Variants in PMS1 observed in about 807,000 individuals in gnomAD.
The protein encoded by PMS1 is PMS1 protein homolog 1.
PMS1 carries 79 observed loss-of-function variants against 93.1 expected under a neutral mutation model. The ratio of observed to expected loss-of-function variants is 0.85; its 90% CI spans 0.71 to 1.02. The LOEUF (loss-of-function observed/expected upper bound fraction) is 1.02, where lower values mean the gene tolerates loss of function less well. Among genes scored for constraint, PMS1 ranks in the 50% least tolerant of loss-of-function variants. The probability of loss-of-function intolerance (pLI) is 0.00; values close to 1 mark genes in which losing one functional copy is unlikely to be tolerated. For synonymous variants in PMS1, 335 were observed against 363.4 expected (o/e 0.92, Z 0.89); for missense variants, 1,064 against 1,085.3 (o/e 0.98, Z 0.28).
Position 189,855,023 on chromosome 2 carries a change from A to G in PMS1, c.1751A>G (p.Asp584Gly). Residue 584 changes from aspartate to glycine, a missense_variant, in exon 9 of 13, where the codon GAT becomes GGT. Asp to Gly is a moderately conservative substitution (Grantham distance 94). Transcript: ENST00000441310. ...PMSASALFVQ[D>G]HRPQFLIENP... ...TCAGCAAGTGCTCTTTTTGTTCAAG[A>G]TCATCGTCCTCAGTTTCTCATAGAA... The G allele has an allele frequency of 6.2e-7, 1 of 1,613,220 alleles. No homozygotes were observed. Among genetic ancestry groups the G allele is most frequent in the African/African-American group, 1.3e-5 (1 of 75,012 alleles).
chr2:189,850,926 G>C (rs1272686684), intron 6 of PMS1, among the ~76,000 whole-genome samples: 1 of 152,180 alleles, frequency 6.6e-6, no homozygotes, highest in South Asian at 2.1e-4. Flanking sequence ...CCATAGTTGA[G>C]AAGCAATTAG....
At chr2:189,825,986 C>G (rs556520146) in intron 5 of PMS1, among the ~76,000 whole-genome samples, 3 of 152,182 alleles carry the variant, frequency 2.0e-5, no homozygotes, top group African/African-American at 7.2e-5. Context: ...AAAAACTGGC[C>G]GTGGAGATTT....
chr2:189,810,408 G>T (rs1225732607), intron 4 of PMS1, among the ~76,000 whole-genome samples: 1 of 152,180 alleles, frequency 6.6e-6, no homozygotes, highest in Non-Finnish European at 1.5e-5. Context: ...GTGCCTGGTG[G>T]CCATTTGCAT....
chr2:189,801,818 G>A (rs1320241202), intron 3 of PMS1, among the ~76,000 whole-genome samples: 2 of 152,078 alleles, frequency 1.3e-5, no homozygotes, highest in Non-Finnish European at 2.9e-5. Context: ...ACATACAGAT[G>A]CAAGTTATTT....
chr2:189,791,883 T>TAAAAGAGCTTATTGA lies in PMS1; in HGVS notation c.78_92dup (p.Lys26_Glu30dup), dbSNP rs776626034. On this transcript the variant is annotated inframe_insertion, in exon 2 of 13. Transcript: ENST00000441310. ...ATCATCACTTCGGTGGTCAGTGTTG[T>TAAAAGAGCTTATTGA]AAAAGAGCTTATTGAAAACTCCTTG... 4.3e-6 allele frequency: 7 copies of TAAAAGAGCTTATTGA among 1,613,930 alleles called. No individual in the cohort carries two copies. In the South Asian group the frequency reaches 7.7e-5, roughly 18 times the overall value.
intron 3 of PMS1, among the ~76,000 whole-genome samples, chr2:189,805,123 C>T (rs1269485733): frequency 6.6e-6 from 1 of 151,616 alleles, no homozygotes; most frequent in African/African-American, 2.4e-5. Flanking sequence ...AAAAATTTAG[C>T]CTTAATGAGT....
At chr2:189,827,179 C>T (rs2106357834) in intron 5 of PMS1, among the ~76,000 whole-genome samples, 1 of 152,284 alleles carries the variant, frequency 6.6e-6, no homozygotes, top group South Asian at 2.1e-4. Flanking sequence ...TATTAACAGT[C>T]AAATAGAACA....
chr2:189,795,863 CAAAAA>C lies in PMS1; in HGVS notation c.228_232del (p.Ile78Ter). Reference sequence around the variant, plus strand: ...GTAATGGCAATGAAGTACTACACCTCAAAAATAAATAGTCATGAAGATCTTGAAAA... The same window carrying C: ...GTAATGGCAATGAAGTACTACACCTCTAAATAGTCATGAAGATCTTGAAAA... On this transcript the variant is annotated frameshift_variant, in exon 3 of 13. Coordinates refer to ENST00000441310, the MANE Select transcript of PMS1 (RefSeq NM_000534.5). LOFTEE classifies it high-confidence loss of function. 6.2e-7 allele frequency: 1 copy of C among 1,613,010 alleles called. No homozygotes were observed. The highest frequency in any genetic ancestry group is 8.5e-7 in the Non-Finnish European group (1 of 1,179,054).
At chr2:189,802,173 A>G (rs1005654823) in intron 3 of PMS1, among the ~76,000 whole-genome samples, 1 of 152,180 alleles carries the variant, frequency 6.6e-6, no homozygotes, top group Admixed American at 6.5e-5. Context: ...CTCATTATGC[A>G]GTTGACCCTT....
intron 9 of PMS1, 123 bp from the exon 10 acceptor site, chr2:189,863,620 T>C (rs994461412): frequency 6.9e-6 from 5 of 725,906 alleles, no homozygotes; most frequent in Non-Finnish European, 9.4e-6. Context: ...GTTAGTCTAA[T>C]ACATGTTCCT....
At chr2:189,843,218 A>G (rs2053963785) in intron 5 of PMS1, among the ~76,000 whole-genome samples, 1 of 151,808 alleles carries the variant, frequency 6.6e-6, no homozygotes, top group Admixed American at 6.6e-5. Flanking sequence ...GGGTTTCACC[A>G]TATTGGCTAG....
At chr2:189,820,724 G>A (rs1445686911) in intron 5 of PMS1, among the ~76,000 whole-genome samples, 1 of 152,214 alleles carries the variant, frequency 6.6e-6, no homozygotes, top group African/African-American at 2.4e-5. Context: ...TTATATGGGG[G>A]AACTTAAAGC....
intron 4 of PMS1, among the ~76,000 whole-genome samples, chr2:189,811,870 G>A (rs970935304): frequency 6.6e-6 from 1 of 152,084 alleles, no homozygotes; most frequent in Non-Finnish European, 1.5e-5. Flanking sequence ...GCTATTTACA[G>A]CTTTCATGAA....
chr2:189,850,352 A>C (rs1428034447), intron 6 of PMS1, among the ~76,000 whole-genome samples: 1 of 152,186 alleles, frequency 6.6e-6, no homozygotes, highest in African/African-American at 2.4e-5. Flanking sequence ...GGTTTAACAG[A>C]CTAGGTAGCT....
chr2:189,805,896 A>T (rs1220419238), intron 4 of PMS1, 142 bp downstream of exon 4: 2 of 1,537,892 alleles, frequency 1.3e-6, no homozygotes, highest in East Asian at 4.9e-5. Context: ...CCAAGTAAAC[A>T]TTCAGCCTTT....
chr2:189,838,455 A>T (rs1164391119), intron 5 of PMS1, among the ~76,000 whole-genome samples: 1 of 152,174 alleles, frequency 6.6e-6, no homozygotes, highest in Non-Finnish European at 1.5e-5. Context: ...AACACTGAAC[A>T]AGCTGAACTC....
rs1459522449 is a variant in PMS1, at chr2:189,877,270, A to G, written c.2635-2A>G. The G allele has an allele frequency of 6.2e-7, 1 of 1,612,972 alleles. No homozygotes were observed. Among genetic ancestry groups the G allele is most frequent in the African/African-American group, 1.3e-5 (1 of 74,924 alleles). Reference sequence around the variant, plus strand: ...AAAATGTGTGACTTTCCCTTTGGACAGGGAGAAGCAGTGCGTCTATCCAGA... The same window carrying G: ...AAAATGTGTGACTTTCCCTTTGGACGGGGAGAAGCAGTGCGTCTATCCAGA... On this transcript the variant is annotated splice_acceptor_variant, in intron 12 of 12. Coordinates refer to ENST00000441310, the MANE Select transcript of PMS1 (RefSeq NM_000534.5). LOFTEE classifies it high-confidence loss of function.
At chr2:189,847,125 G>A (rs948063716) in intron 6 of PMS1, among the ~76,000 whole-genome samples, 11 of 151,630 alleles carry the variant, frequency 7.3e-5, no homozygotes, top group South Asian at 2.1e-4. Flanking sequence ...CCCCCAAAGC[G>A]CCCATTTCTT....
At position 189,854,231 on chromosome 2, in the gene PMS1, A is replaced by T. The variant is rs1446953997; in HGVS notation, c.967-8A>T. The stretch of plus-strand genomic sequence containing the variant: ...TTTCCCCTAACATTTGTTAATTTGT[A>T]TTTTTAGGAATCTGTTTTAATTGCT... On this transcript the variant is annotated splice_polypyrimidine_tract_variant and splice_region_variant and intron_variant, in intron 8 of 12. Transcript: ENST00000441310. 1 of 1,576,150 alleles carries T rather than the reference A, an allele frequency of 6.3e-7. No individual in the cohort carries two copies. Among genetic ancestry groups the T allele is most frequent in the Non-Finnish European group, 8.6e-7 (1 of 1,157,860 alleles).
Sources: allele counts gnomAD v4.1 joint callset (sites outside exome capture counted in the v4.1 genomes callset), GRCh38; gene constraint gnomAD v4.1.1; transcripts MANE v1.5; gene names NCBI Gene and HGNC (gene_info 2026-07-23, HGNC 2026-07-21).